Variants in NUP98 observed in about 807,000 individuals in gnomAD.
NUP98 encodes nucleoporin 98 and 96 precursor.
A neutral mutation model predicts 191.9 loss-of-function variants in NUP98; 26 were observed. The observed-to-expected ratio is 0.14, with a 90% CI of 0.10 to 0.19. The LOEUF is 0.19. Among genes scored for constraint, NUP98 ranks in the 10% least tolerant of loss-of-function variants. The pLI, the probability that NUP98 is intolerant of heterozygous loss-of-function variation, is 1.00. For missense variants in NUP98, 1,941 were observed against 2,178.8 expected (o/e 0.89, Z 2.17); for synonymous variants, 808 against 778.4 (o/e 1.04, Z -0.63).
chr11:3,687,064 G>T (rs1589957571), intron 28 of NUP98, among the ~76,000 whole-genome samples: 1 of 152,166 alleles, frequency 6.6e-6, no homozygotes, highest in Middle Eastern at 3.4e-3. Flanking sequence ...TAAGTAGCTG[G>T]GACTACAGAT....
At chr11:3,767,948 T>C (rs1041334824) in intron 8 of NUP98, among the ~76,000 whole-genome samples, 5 of 152,100 alleles carry the variant, frequency 3.3e-5, no homozygotes, top group Middle Eastern at 6.8e-3. Context: ...CTATACCCTA[T>C]AGAATGGCTG....
intron 11 of NUP98, among the ~76,000 whole-genome samples, chr11:3,745,841 C>T (rs997699300): frequency 2.6e-5 from 4 of 151,990 alleles, no homozygotes; most frequent in African/African-American, 9.7e-5. Context: ...ACTTGCAGGT[C>T]AAAAATATTG....
In NUP98 at chr11:3,735,315, T is replaced by A; in HGVS notation, c.1418A>T (p.Asp473Val). The change falls in exon 13 of 33, where the codon GAT becomes GTT. Residue 473 changes from aspartate to valine, a missense_variant. Transcript: ENST00000324932. ...CTGCTGGGCAGCAGAAGCATTTGGA[T>A]CTGTCAAAGCTTTTAAAAAAAAAAA... ...GAPQAPVALT[D>V]PNASAAQQAV... The A allele has an allele frequency of 6.5e-7, 1 of 1,529,042 alleles. No homozygotes were observed. Among genetic ancestry groups the A allele is most frequent in the Non-Finnish European group, 8.8e-7 (1 of 1,139,090 alleles). The allele number at this position is 1,529,042 out of a possible 1,614,324, so 94.7% of individuals were successfully genotyped here. A position where few individuals can be genotyped will look rare whatever the true frequency, so the allele number is the denominator to read the frequency against.
chr11:3,787,437 G>C (rs1273143710), intron 1 of NUP98, among the ~76,000 whole-genome samples: 2 of 152,030 alleles, frequency 1.3e-5, no homozygotes, highest in African/African-American at 2.4e-5. Context: ...ACAAACATTA[G>C]CCAGAAGCGG....
rs188921043 is a variant in NUP98, at chr11:3,702,824, A to G, written c.3151T>C (p.Cys1051Arg). 36 of 1,614,142 alleles carry G rather than the reference A, an allele frequency of 2.2e-5. No individual in the cohort carries two copies. In the Admixed American group the frequency reaches 4.3e-4, roughly 19 times the overall value. The change falls in exon 23 of 33, where the codon TGT becomes CGT. Residue 1051 changes from cysteine to arginine, a missense_variant. By Grantham distance (180) the Cys-to-Arg change is radical. Transcript: ENST00000324932. ...FLSPSVSVQE[C>R]RTPRAASLMN... ...AAAGATGCTGCTCTGGGAGTACGAC[A>G]TTCTTGCACAGAGACACTTGGTGAA...
intron 14 of NUP98, 117 bp from the exon 15 acceptor site, chr11:3,725,336 C>T (rs80279413): frequency 3.4e-6 from 2 of 588,052 alleles, no homozygotes; most frequent in East Asian, 5.2e-5. Context: ...TCTTGTACAC[C>T]TAAGAATAAC....
chr11:3,760,454 C>G (rs773820468), intron 10 of NUP98, 85 bp downstream of exon 10: 47 of 1,601,264 alleles, frequency 2.9e-5, no homozygotes, highest in Non-Finnish European at 4.3e-6. Flanking sequence ...GTCAGTGTAA[C>G]TTTAAGAGAG....
chr11:3,788,634 T>C (rs986778435), intron 1 of NUP98, among the ~76,000 whole-genome samples: 1 of 151,792 alleles, frequency 6.6e-6, no homozygotes, highest in Non-Finnish European at 1.5e-5. Context: ...TGAAAGGATA[T>C]ATACCTAACT....
In NUP98 at chr11:3,722,943, G is replaced by GT. The variant is rs1431660656; in HGVS notation, c.2146+213dup. 1.7e-4 allele frequency among the ~76,000 whole-genome samples: 26 copies of GT among 152,302 alleles called. No individual in the cohort carries two copies. The East Asian group carries it at 4.8e-3, about 28-fold the overall frequency. ...AGACTACACCAGGATAATTAAAGAT[G>GT]TATCAATTTTCATACTCTAAGGTCC... On this transcript the variant is annotated intron_variant, in intron 16 of 32. Coordinates refer to ENST00000324932, the MANE Select transcript of NUP98 (RefSeq NM_016320.5).
In NUP98 at chr11:3,743,418, G is replaced by A. The variant is rs192012584; in HGVS notation, c.1408+1091C>T. Reference sequence around the variant, plus strand: ...TCCCAGCACTTTGGGAGGCCGAGGCGGGCGGATCACGAGGTCAGGAGATCG... The same window carrying A: ...TCCCAGCACTTTGGGAGGCCGAGGCAGGCGGATCACGAGGTCAGGAGATCG... On this transcript the variant is annotated intron_variant, in intron 12 of 32. Transcript: ENST00000324932. 4.6e-3 allele frequency among the ~76,000 whole-genome samples: 693 copies of A among 149,654 alleles called. 4 individuals carry two copies. The highest frequency in any genetic ancestry group is 6.9e-3 in the Middle Eastern group (2 of 290).
intron 11 of NUP98, among the ~76,000 whole-genome samples, chr11:3,752,343 C>T (rs1328990935): frequency 6.6e-6 from 1 of 151,320 alleles, no homozygotes; most frequent in Non-Finnish European, 1.5e-5. Flanking sequence ...ATAGTGACAC[C>T]CCATCTCTAC....
At chr11:3,776,819 G>GT (rs1278255836) in intron 4 of NUP98, among the ~76,000 whole-genome samples, 3 of 151,884 alleles carry the variant, frequency 2.0e-5, no homozygotes, top group Non-Finnish European at 4.4e-5. Context: ...AGAAAGATAC[G>GT]TACTTCCAGG....
intron 7 of NUP98, among the ~76,000 whole-genome samples, chr11:3,770,015 C>T (rs529970456): frequency 6.7e-6 from 1 of 149,920 alleles, no homozygotes; most frequent in South Asian, 2.1e-4. Flanking sequence ...TGCACTCCAG[C>T]CTGGGTGACA....
chr11:3,785,519 G>C (rs1024565816), intron 1 of NUP98, among the ~76,000 whole-genome samples: 1 of 152,178 alleles, frequency 6.6e-6, no homozygotes, highest in South Asian at 2.1e-4. Context: ...AGCACTTTGG[G>C]AGGCCAAGGT....
rs1055045685 is a variant in NUP98, at chr11:3,797,413, G to C, written c.-42C>G. 7.4e-6 allele frequency: 3 copies of C among 403,832 alleles called. No homozygotes were observed. The highest frequency in any genetic ancestry group is 6.2e-5 in the African/African-American group (3 of 48,628). 25.0% of individuals were successfully genotyped at this position (403,832 alleles called of 1,614,324 possible). ...CTCCCGACTTACCGCGGTTCGGTGG[G>C]GAAGGGGAAGTGTCAGGAGTCCCCT... On this transcript the variant is annotated 5_prime_UTR_variant, in exon 1 of 33. Transcript: ENST00000324932.
intron 30 of NUP98, among the ~76,000 whole-genome samples, chr11:3,681,865 T>C (rs1355131547): frequency 2.6e-5 from 4 of 152,238 alleles, no homozygotes; most frequent in African/African-American, 4.8e-5. Flanking sequence ...CATTGACTTC[T>C]CTTCTCTAGC....
chr11:3,686,316 T>A (rs2078131022), intron 28 of NUP98, 122 bp from the exon 29 acceptor site: 2 of 774,006 alleles, frequency 2.6e-6, no homozygotes, highest in Admixed American at 4.6e-5. Context: ...TTATAGGCCT[T>A]CTCTCCCTCT....
At position 3,676,118 on chromosome 11, in the gene NUP98, G is replaced by A; in HGVS notation, c.*41C>T. On this transcript the variant is annotated 3_prime_UTR_variant, in exon 33 of 33. Transcript: ENST00000324932. ...AAACAAGGCAGGGAACCTCTGTGTG[G>A]TGTGAATGGGCATGTGACTGTGATG... is the stretch of plus-strand genomic sequence containing the variant. The A allele has an allele frequency of 6.3e-7, 1 of 1,579,394 alleles. No homozygotes were observed. The highest frequency in any genetic ancestry group is 8.7e-7 in the Non-Finnish European group (1 of 1,154,134).
At chr11:3,777,975 G>C (rs2081806083) in intron 4 of NUP98, among the ~76,000 whole-genome samples, 1 of 151,890 alleles carries the variant, frequency 6.6e-6, no homozygotes, top group South Asian at 2.1e-4. Context: ...GAGGCAGATG[G>C]AACACGAGGT....
Sources: gnomAD v4.1 joint callset for allele counts (sites outside exome capture counted in the v4.1 genomes callset) on GRCh38, gnomAD v4.1.1 for gene constraint, MANE v1.5 for transcripts, NCBI Gene and HGNC (gene_info 2026-07-23, HGNC 2026-07-21) for gene names.